TPM4: variants seen among roughly 807,000 people sequenced by gnomAD.
TPM4 encodes the protein tropomyosin 4.
In TPM4, 17 loss-of-function variants were observed where a neutral mutation model predicts 35.8. That is an observed-to-expected ratio of 0.47 (90% CI 0.32 to 0.71). The LOEUF (loss-of-function observed/expected upper bound fraction) is 0.71, where lower values mean the gene tolerates loss of function less well. Ranked by LOEUF, TPM4 falls within the 30% of genes least tolerant of loss-of-function variation. TPM4 has a pLI of 0.03. For missense variants in TPM4, 240 were observed against 320.9 expected (o/e 0.75, Z 1.93); for synonymous variants, 120 against 122.9 (o/e 0.98, Z 0.15).
At chr19:16,094,478 G>A (rs1410914299) in intron 7 of TPM4, among the ~76,000 whole-genome samples, 1 of 151,560 alleles carries the variant, frequency 6.6e-6, no homozygotes. Context: ...GGAGGTTGCA[G>A]TAAGCCAAGA....
Position 16,102,792 on chromosome 19 carries a change from C to T in TPM4, c.*1446C>T, listed in dbSNP as rs2090775411. 4.3e-6 allele frequency: 1 copy of T among 230,834 alleles called. No individual in the cohort carries two copies. The highest frequency in any genetic ancestry group is 8.6e-6 in the Non-Finnish European group (1 of 116,550). 14.3% of individuals were successfully genotyped at this position (230,834 alleles called of 1,614,324 possible). A position where few individuals can be genotyped will look rare whatever the true frequency, so the allele number is the denominator to read the frequency against. ...GGCTGACTAAAGTTTACAATTCCAA[C>T]TAAAAATCACCCTGCTTCTGGCTTA... On this transcript the variant is annotated 3_prime_UTR_variant, in exon 8 of 8. Transcript: ENST00000643579.
intron 3 of TPM4, 75 bp from the exon 4 acceptor site, chr19:16,087,952 G>T (rs2090578237): frequency 1.3e-6 from 2 of 1,501,338 alleles, no homozygotes; most frequent in Non-Finnish European, 9.1e-7. Context: ...GGCATCATTG[G>T]GGGCTGTCTG....
intron 7 of TPM4, among the ~76,000 whole-genome samples, chr19:16,098,115 T>C (rs750214504): frequency 6.6e-6 from 1 of 152,192 alleles, no homozygotes; most frequent in Non-Finnish European, 1.5e-5. Flanking sequence ...ATCCAGTTAT[T>C]CTACCTAACT....
In TPM4 at chr19:16,102,040, A is replaced by G. The variant is rs1165790195; in HGVS notation, c.*694A>G. 9.5e-6 allele frequency: 2 copies of G among 210,302 alleles called. No individual in the cohort carries two copies. Among genetic ancestry groups the G allele is most frequent in the African/African-American group, 2.3e-5 (1 of 44,054 alleles). The allele number at this position is 210,302 out of a possible 1,614,324, so 13.0% of individuals were successfully genotyped here. On this transcript the variant is annotated 3_prime_UTR_variant, in exon 8 of 8. Transcript: ENST00000643579. Reference sequence around the variant, plus strand: ...GATCCTTGATGTGATGTTCTTTTGCATATTTCCTTCATTCTAAAGTTGTTC... The same window carrying G: ...GATCCTTGATGTGATGTTCTTTTGCGTATTTCCTTCATTCTAAAGTTGTTC...
chr19:16,072,990 A>T (rs1022612200), upstream of TPM4, among the ~76,000 whole-genome samples: 3 of 152,124 alleles, frequency 2.0e-5, no homozygotes, highest in African/African-American at 7.2e-5. Context: ...CCCTGTCCTC[A>T]CATGTTCTTG....
chr19:16,087,955 G>A, intron 3 of TPM4, 72 bp from the exon 4 acceptor site: 1 of 1,509,072 alleles, frequency 6.6e-7, no homozygotes. Context: ...ATCATTGGGG[G>A]CTGTCTGCAG....
chr19:16,090,271 C>G (rs1296173826), intron 5 of TPM4, among the ~76,000 whole-genome samples: 1 of 150,848 alleles, frequency 6.6e-6, no homozygotes, highest in Non-Finnish European at 1.5e-5. Flanking sequence ...GCATGTGCCA[C>G]TACTCCAAAA....
chr19:16,101,913 C>T lies in TPM4; in HGVS notation c.*567C>T, dbSNP rs10424384. 8,420 of 225,948 alleles carry T rather than the reference C, an allele frequency of 0.037. 659 individuals carry two copies. Among genetic ancestry groups the T allele is most frequent in the African/African-American group, 0.17 (7,798 of 44,960 alleles). The allele number at this position is 225,948 out of a possible 1,614,324, so 14.0% of individuals were successfully genotyped here. A position where few individuals can be genotyped will look rare whatever the true frequency, so the allele number is the denominator to read the frequency against. On this transcript the variant is annotated 3_prime_UTR_variant, in exon 8 of 8. Transcript: ENST00000643579. ...CTAAGAATCCTGGCCCTTCTCCACT[C>T]TCCACCATGCAGGACAAACATCTTC...
rs2090407507 is a variant in TPM4 at position 16,076,499 on chromosome 19, A to G, written c.-67A>G. ...TTGGGGGGCCGGGGCGCGGCTGTGC[A>G]GCTCTCGCCGGAGCCGAGCCCAGCC... is the stretch of plus-strand genomic sequence containing the variant. On this transcript the variant is annotated 5_prime_UTR_variant, in exon 1 of 8. Coordinates refer to ENST00000643579, the MANE Select transcript of TPM4 (RefSeq NM_003290.3). 3 of 1,349,478 alleles carry G rather than the reference A, an allele frequency of 2.2e-6. No individual in the cohort carries two copies. The highest frequency in any genetic ancestry group is 2.8e-6 in the Non-Finnish European group (3 of 1,058,236). 83.6% of individuals were successfully genotyped at this position (1,349,478 alleles called of 1,614,324 possible).
chr19:16,098,117 T>C (rs1230385411), intron 7 of TPM4, among the ~76,000 whole-genome samples: 1 of 152,206 alleles, frequency 6.6e-6, no homozygotes, highest in African/African-American at 2.4e-5. Flanking sequence ...CCAGTTATTC[T>C]ACCTAACTAA....
At chr19:16,095,455 T>C in intron 7 of TPM4, 1 of 1,025,580 alleles carries the variant, frequency 9.8e-7, no homozygotes, top group Non-Finnish European at 1.2e-6. Context: ...GTCAGAGCCT[T>C]CTTCTGATGT....
chr19:16,076,011 C>CG (rs962949210), upstream of TPM4: 3 of 1,590,850 alleles, frequency 1.9e-6, no homozygotes, highest in African/African-American at 1.4e-5. Flanking sequence ...TGACCCCCCC[C>CG]CCAGGCTGAC....
chr19:16,078,126 G>T (rs1232433061), intron 1 of TPM4: 2 of 398,496 alleles, frequency 5.0e-6, no homozygotes, highest in Non-Finnish European at 8.8e-6. Context: ...GGAGGCAGGG[G>T]AGCTGACTCA....
At chr19:16,076,153 C>G, upstream of TPM4, 2 of 1,564,510 alleles carry the variant, frequency 1.3e-6, no homozygotes, top group East Asian at 2.4e-5. Flanking sequence ...CTGGAGCTCA[C>G]GGAGAAGAAG....
At chr19:16,100,512 T>C (rs1263414456) in intron 7 of TPM4, 2 of 152,238 alleles carry the variant, frequency 1.3e-5, no homozygotes, top group Non-Finnish European at 2.9e-5. Context: ...GATGTTCTGC[T>C]GTAATTAAAA....
chr19:16,087,085 C>T (rs1472991089), intron 3 of TPM4, among the ~76,000 whole-genome samples: 10 of 152,126 alleles, frequency 6.6e-5, no homozygotes, highest in Admixed American at 5.9e-4. Context: ...TGAGACCAGC[C>T]TGGGCAACAT....
At position 16,093,551 on chromosome 19, in the gene TPM4, G is replaced by A. The variant is rs1218622966; in HGVS notation, c.547G>A (p.Asp183Asn). 6.2e-7 allele frequency: 1 copy of A among 1,614,156 alleles called. No individual in the cohort carries two copies. The highest frequency in any genetic ancestry group is 8.5e-7 in the Non-Finnish European group (1 of 1,180,032). ...TCTCCCACAGTATTCTGAAAAGGAG[G>A]ACAAATATGAAGAAGAAATTAAACT... ...AASEKYSEKE[D>N]KYEEEIKLLS... Residue 183 changes from aspartate (D) to asparagine (N), a missense_variant, in exon 6 of 8, where the codon GAC becomes AAC. Transcript: ENST00000643579.
intron 5 of TPM4, among the ~76,000 whole-genome samples, chr19:16,089,658 C>A (rs989794337): frequency 1.4e-5 from 2 of 146,310 alleles, no homozygotes; most frequent in Admixed American, 1.4e-4. Context: ...CCCATCACCT[C>A]CACCCCCCAC....
chr19:16,075,610 ACCC>A (rs2144915407), upstream of TPM4: 1 of 158,208 alleles, frequency 6.3e-6, no homozygotes, highest in African/African-American at 2.4e-5. Context: ...AGTTTCTCTG[ACCC>A]CGTGTTGGGG....
Sources: gnomAD v4.1 joint callset for allele counts (sites outside exome capture counted in the v4.1 genomes callset) on GRCh38, gnomAD v4.1.1 for gene constraint, MANE v1.5 for transcripts, NCBI Gene and HGNC (gene_info 2026-07-23, HGNC 2026-07-21) for gene names.